Variants in ARL3 observed in about 807,000 individuals in gnomAD.
ARL3 encodes ADP-ribosylation factor-like protein 3.
A neutral mutation model predicts 26.0 loss-of-function variants in ARL3; 9 were observed. The observed-to-expected ratio is 0.35, with a 90% CI of 0.21 to 0.60. ARL3 has a LOEUF of 0.60. Ranked by LOEUF, ARL3 falls within the 20% of genes least tolerant of loss-of-function variation. ARL3 has a pLI of 0.78. For synonymous variants in ARL3, 71 were observed against 78.4 expected, an observed-to-expected ratio of 0.91 and a Z score of 0.50; for missense variants, 158 against 215.7, an observed-to-expected ratio of 0.73 and a Z score of 1.67.
chr10:102,711,546 T>C (rs1272625174), intron 1 of ARL3, among the ~76,000 whole-genome samples: 1 of 151,704 alleles, frequency 6.6e-6, no homozygotes, highest in African/African-American at 2.4e-5. Context: ...GGTCAGGAGA[T>C]ACAGACCATC....
intron 5 of ARL3, among the ~76,000 whole-genome samples, chr10:102,682,824 T>G (rs965237985): frequency 1.3e-5 from 2 of 152,200 alleles, no homozygotes; most frequent in African/African-American, 4.8e-5. Flanking sequence ...GTACATTTTC[T>G]TTCAGAGTTG....
chr10:102,714,183 T>C, intron 1 of ARL3, 90 bp downstream of exon 1: 1 of 1,292,710 alleles, frequency 7.7e-7, no homozygotes, highest in Non-Finnish European at 1.0e-6. Flanking sequence ...CATTCCCTCC[T>C]TGGCTTTAAG....
intron 1 of ARL3, among the ~76,000 whole-genome samples, chr10:102,709,479 CAAA>C (rs11290496): frequency 9.6e-5 from 11 of 114,324 alleles, no homozygotes; most frequent in Admixed American, 2.7e-4. Context: ...ATATCCCTAC[CAAA>C]AAAAAAAAAA....
At chr10:102,699,889 C>T (rs1409847845) in intron 2 of ARL3, among the ~76,000 whole-genome samples, 1 of 152,026 alleles carries the variant, frequency 6.6e-6, no homozygotes, top group Non-Finnish European at 1.5e-5. Context: ...GAAGACTCAA[C>T]AGGAAAGAAC....
chr10:102,691,084 G>A (rs2064214774), intron 3 of ARL3, among the ~76,000 whole-genome samples: 1 of 152,026 alleles, frequency 6.6e-6, no homozygotes, highest in Non-Finnish European at 1.5e-5. Flanking sequence ...TAAGAGGTCA[G>A]CAGTCAATAT....
At position 102,705,439 on chromosome 10, in the gene ARL3, C is replaced by T; in HGVS notation, c.54G>A (p.Val18=). 1 of 1,610,498 alleles carries T rather than the reference C, an allele frequency of 6.2e-7. No individual in the cohort carries two copies. Among genetic ancestry groups the T allele is most frequent in the African/African-American group, 1.3e-5 (1 of 75,018 alleles). ...TATCCAAGCCCAGGAGAAGTATTCTCACCTCCTGGTCTGGTGCACTTTTCA... is the reference window on the plus strand; with the variant it reads ...TATCCAAGCCCAGGAGAAGTATTCTTACCTCCTGGTCTGGTGCACTTTTCA... The part of the protein sequence containing the change: ...RKLKSAPDQE[V]RILLLGLDNA... The change falls in exon 2 of 6, where the codon GTG becomes GTA. Residue 18 remains valine, a synonymous_variant. Coordinates refer to ENST00000260746, the MANE Select transcript of ARL3 (RefSeq NM_004311.4).
At chr10:102,690,546 A>G (rs532517548) in intron 3 of ARL3, among the ~76,000 whole-genome samples, 6 of 152,044 alleles carry the variant, frequency 3.9e-5, no homozygotes, top group Admixed American at 2.0e-4. Flanking sequence ...TCAGCCTCCT[A>G]AAGTGCTGGG....
At position 102,692,869 on chromosome 10, in the gene ARL3, C is replaced by T. The variant is rs534495362; in HGVS notation, c.265-2926G>A. On this transcript the variant is annotated intron_variant, in intron 3 of 5. Transcript: ENST00000260746. ...GGACTACAGGCGCCCGCCGGCACGC[C>T]CAGCTTTTAGTAGAGACAGGGTTTC... is the stretch of plus-strand genomic sequence containing the variant. 3.2e-4 allele frequency among the ~76,000 whole-genome samples: 48 copies of T among 152,264 alleles called. 1 individual carries two copies. The highest frequency in any genetic ancestry group is 2.7e-3 in the Admixed American group (42 of 15,294).
In ARL3 at chr10:102,676,901, T is replaced by C. The variant is rs2064133504; in HGVS notation, c.542A>G (p.Lys181Arg). 3.1e-6 allele frequency: 5 copies of C among 1,614,104 alleles called. No homozygotes were observed. The highest frequency in any genetic ancestry group is 1.6e-4 in the Middle Eastern group (1 of 6,084). Reference protein sequence around the residue: ...NWVCKNVNAKKK With the variant: ...NWVCKNVNAKRK ...TCTCCATTCGTCTAGATTTTATTTCTTCTTTGCATTGACATTTTTGCAGAC... is the reference window on the plus strand; with the variant it reads ...TCTCCATTCGTCTAGATTTTATTTCCTCTTTGCATTGACATTTTTGCAGAC... Residue 181 changes from lysine (K) to arginine (R), a missense_variant, in exon 6 of 6, where the codon AAG becomes AGG. Coordinates refer to ENST00000260746, the MANE Select transcript of ARL3 (RefSeq NM_004311.4).
Position 102,673,771 on chromosome 10 carries a change from C to T in ARL3, c.*3123G>A, listed in dbSNP as rs1453249584. On this transcript the variant is annotated 3_prime_UTR_variant, in exon 6 of 6. Coordinates refer to ENST00000260746, the MANE Select transcript of ARL3 (RefSeq NM_004311.4). ...TTTTATTTGTCGGATTTTTGACAGA[C>T]GTCTAAATTATACATTGAGTTTTCC... The T allele has an allele frequency of 2.0e-5, 3 of 152,234 alleles. No homozygotes were observed. The highest frequency in any genetic ancestry group is 2.1e-4 in the South Asian group (1 of 4,824). The allele number at this position is 152,234 out of a possible 1,614,324, so 9.4% of individuals were successfully genotyped here.
At chr10:102,683,112 T>C (rs924768461) in intron 5 of ARL3, among the ~76,000 whole-genome samples, 8 of 152,196 alleles carry the variant, frequency 5.3e-5, no homozygotes, top group Non-Finnish European at 7.4e-5. Flanking sequence ...GGAATTCCAC[T>C]TAAGTGACTC....
At chr10:102,706,378 G>T (rs904171301) in intron 1 of ARL3, among the ~76,000 whole-genome samples, 1 of 152,018 alleles carries the variant, frequency 6.6e-6, no homozygotes, top group African/African-American at 2.4e-5. Flanking sequence ...CTTGAACCTG[G>T]GAGGCGGAGG....
At chr10:102,693,759 A>G (rs767449809) in intron 3 of ARL3, among the ~76,000 whole-genome samples, 7 of 151,858 alleles carry the variant, frequency 4.6e-5, no homozygotes, top group Non-Finnish European at 7.4e-5. Context: ...TGCAGACTCA[A>G]CCTCCTGGGC....
At chr10:102,699,263 G>C in intron 3 of ARL3, 110 bp downstream of exon 3, 1 of 755,442 alleles carries the variant, frequency 1.3e-6, no homozygotes, top group East Asian at 2.5e-5. Context: ...AATTCACAGT[G>C]ATTAATGTTA....
intron 5 of ARL3, among the ~76,000 whole-genome samples, chr10:102,678,204 G>A (rs556854485): frequency 1.5e-3 from 222 of 152,020 alleles, no homozygotes; most frequent in African/African-American, 4.3e-3. Context: ...CGGTGGCGCC[G>A]AAAGCCCGAA....
intron 5 of ARL3, among the ~76,000 whole-genome samples, chr10:102,683,663 T>G (rs141319749): frequency 2.0e-5 from 3 of 152,266 alleles, no homozygotes; most frequent in African/African-American, 7.2e-5. Context: ...TTTGCAGTGC[T>G]CCCCTGCCTG....
chr10:102,698,548 C>A (rs1590125276), intron 3 of ARL3, among the ~76,000 whole-genome samples: 1 of 152,056 alleles, frequency 6.6e-6, no homozygotes, highest in Non-Finnish European at 1.5e-5. Flanking sequence ...TATGATTATG[C>A]AAGTATGTGG....
intron 3 of ARL3, among the ~76,000 whole-genome samples, chr10:102,690,295 C>CTTTT (rs34924011): frequency 8.1e-6 from 1 of 123,722 alleles, no homozygotes; most frequent in South Asian, 2.7e-4. Context: ...CACTATTTTC[C>CTTTT]TTTTTTTTTT....
In ARL3 at chr10:102,686,662, A is replaced by C. The variant is rs1266317929; in HGVS notation, c.316-661T>G. On this transcript the variant is annotated intron_variant, in intron 4 of 5. Transcript: ENST00000260746. ...GTATTTTTAGTAGAGATGGGTTTTC[A>C]CCATGTTGGTCAGGCTGGTCTTGAA... Among the ~76,000 whole-genome samples, 7 of 148,470 alleles carry C rather than the reference A, an allele frequency of 4.7e-5. No homozygotes were observed. The East Asian group carries it at 1.2e-3, about 26-fold the overall frequency.
Sources: allele counts gnomAD v4.1 joint callset (sites outside exome capture counted in the v4.1 genomes callset), GRCh38; gene constraint gnomAD v4.1.1; transcripts MANE v1.5; gene names NCBI Gene and HGNC (gene_info 2026-07-23, HGNC 2026-07-21).